Variants in GAD1 observed in about 807,000 individuals in gnomAD.
GAD1 encodes 67 kDa glutamic acid decarboxylase.
Under a neutral mutation model 75.2 loss-of-function variants are expected in GAD1, and 35 were observed. That is an observed-to-expected ratio of 0.47 (90% CI 0.36 to 0.62). The LOEUF is 0.62. Among genes scored for constraint, GAD1 ranks in the 20% least tolerant of loss-of-function variants. The probability of loss-of-function intolerance (pLI) is 0.00; values close to 1 mark genes in which losing one functional copy is unlikely to be tolerated. For missense variants in GAD1, 490 were observed against 758.5 expected (o/e 0.65, Z 4.16); for synonymous variants, 257 against 271.9 (o/e 0.95, Z 0.54).
Position 170,853,481 on chromosome 2 carries a change from T to A in GAD1, c.1264-392T>A, listed in dbSNP as rs571546354. Reference sequence around the variant, plus strand: ...GGTCCTGGAAAGGTTGGAAGACTTTTGCCAGAGCGCTTTTGGAGAGAAAAA... The same window carrying A: ...GGTCCTGGAAAGGTTGGAAGACTTTAGCCAGAGCGCTTTTGGAGAGAAAAA... On this transcript the variant is annotated intron_variant, in intron 13 of 16. Coordinates refer to ENST00000358196, the MANE Select transcript of GAD1 (RefSeq NM_000817.3). The surrounding 1 kb of genome is among the most constrained non-coding windows in gnomAD (Gnocchi z 4.1). 1.6e-4 allele frequency: 43 copies of A among 267,608 alleles called. No homozygotes were observed. The highest frequency in any genetic ancestry group is 2.9e-4 in the Non-Finnish European group (40 of 136,034). 16.6% of individuals were successfully genotyped at this position (267,608 alleles called of 1,614,324 possible). A position where few individuals can be genotyped will look rare whatever the true frequency, so the allele number is the denominator to read the frequency against.
At chr2:170,819,341 G>T (rs1341819250) in intron 2 of GAD1, among the ~76,000 whole-genome samples, 1 of 151,978 alleles carries the variant, frequency 6.6e-6, no homozygotes, top group African/African-American at 2.4e-5. Context: ...ATCCTGAGTG[G>T]CAAGAGATGG....
intron 7 of GAD1, 35 bp downstream of exon 7, chr2:170,844,192 G>A (rs2105797909): frequency 2.5e-6 from 3 of 1,204,546 alleles, no homozygotes; most frequent in African/African-American, 1.5e-5. Context: ...CTCAAGGTTT[G>A]GGATTCTTAA....
rs1204026449 is a variant in GAD1 at position 170,857,052 on chromosome 2, G to A, written c.1448G>A (p.Cys483Tyr). The change falls in exon 15 of 17, where the codon TGC (cysteine) becomes TAC (tyrosine). Residue 483 changes from cysteine (C) to tyrosine (Y), a missense_variant. This residue lies in a region of GAD1 where 324 missense variants were observed against 523.9 expected (regional missense o/e 0.62). Coordinates refer to ENST00000358196, the MANE Select transcript of GAD1 (RefSeq NM_000817.3). ...TVGFENQINK[C>Y]LELAEYLYAK... ...GGATTTGAAAACCAGATCAACAAAT[G>A]CCTGGAACTGGCTGAATACCTCTAT... 6.2e-7 allele frequency: 1 copy of A among 1,614,026 alleles called. No homozygotes were observed. The highest frequency in any genetic ancestry group is 8.5e-7 in the Non-Finnish European group (1 of 1,179,980).
At chr2:170,845,677 T>G (rs1426480767) in intron 8 of GAD1, 29 bp from the exon 9 acceptor site, 1 of 1,613,682 alleles carries the variant, frequency 6.2e-7, no homozygotes, top group African/African-American at 1.3e-5. Flanking sequence ...ACTTTCCAAC[T>G]TCTAACCTCG....
chr2:170,857,516 C>A (rs1702876067), intron 15 of GAD1, among the ~76,000 whole-genome samples: 2 of 152,076 alleles, frequency 1.3e-5, no homozygotes, highest in South Asian at 2.1e-4. Flanking sequence ...GAGGCCAAGG[C>A]AGGAAGATTG....
At chr2:170,821,165 T>C (rs1269799824) in intron 2 of GAD1, among the ~76,000 whole-genome samples, 1 of 152,120 alleles carries the variant, frequency 6.6e-6, no homozygotes, top group East Asian at 1.9e-4. Flanking sequence ...AGGTTTGCTT[T>C]GAGAGATTGG....
chr2:170,839,710 T>G (rs950919423), intron 6 of GAD1, among the ~76,000 whole-genome samples: 18 of 151,944 alleles, frequency 1.2e-4, no homozygotes, highest in African/African-American at 4.4e-4. Flanking sequence ...CCAGTGAAGA[T>G]CCAAACAAAA....
At chr2:170,828,380 TCACCC>T (rs1702094232) in intron 3 of GAD1, among the ~76,000 whole-genome samples, 5 of 132,024 alleles carry the variant, frequency 3.8e-5, no homozygotes, top group African/African-American at 1.5e-4. Flanking sequence ...TCTGCTGTCC[TCACCC>T]TCCTCCCTCT....
At position 170,818,931 on chromosome 2, in the gene GAD1, G is replaced by A. The variant is rs78535415; in HGVS notation, c.82+258G>A. ...CGTTGAGGGCTTCGCGGAGGAGGAGGGGCGCGCAGCCAGGGTGTTGTTTTT... is the reference window on the plus strand; with the variant it reads ...CGTTGAGGGCTTCGCGGAGGAGGAGAGGCGCGCAGCCAGGGTGTTGTTTTT... On this transcript the variant is annotated intron_variant, in intron 2 of 16. Coordinates refer to ENST00000358196, the MANE Select transcript of GAD1 (RefSeq NM_000817.3). The surrounding 1 kb of genome is among the most constrained non-coding windows in gnomAD (Gnocchi z 5.9). Among the ~76,000 whole-genome samples the A allele has an allele frequency of 1.7e-3, 253 of 152,292 alleles. No homozygotes were observed. The highest frequency in any genetic ancestry group is 5.9e-3 in the African/African-American group (247 of 41,566).
intron 5 of GAD1, among the ~76,000 whole-genome samples, chr2:170,831,787 ATATT>A (rs1032180603): frequency 6.9e-6 from 1 of 145,682 alleles, no homozygotes; most frequent in African/African-American, 2.5e-5. Flanking sequence ...TTTATATTAT[ATATT>A]ATATATAAAT....
chr2:170,821,979 A>G (rs1329885880), intron 2 of GAD1, 108 bp from the exon 3 acceptor site: 15 of 935,410 alleles, frequency 1.6e-5, no homozygotes, highest in Non-Finnish European at 2.3e-5. Flanking sequence ...TTTAATGAAG[A>G]GCTCTGGCAA....
intron 11 of GAD1, among the ~76,000 whole-genome samples, chr2:170,847,994 C>T (rs1279383750): frequency 6.6e-6 from 1 of 152,200 alleles, no homozygotes; most frequent in African/African-American, 2.4e-5. Context: ...CATCCACTTC[C>T]TTACTAGTCG....
intron 3 of GAD1, 141 bp downstream of exon 3, chr2:170,822,290 C>A (rs1011817117): frequency 1.3e-6 from 1 of 756,306 alleles, no homozygotes; most frequent in Non-Finnish European, 2.2e-6. Flanking sequence ...GGACAGCCAG[C>A]GACCACGCTC....
chr2:170,831,280 G>A, intron 5 of GAD1, 88 bp downstream of exon 5: 1 of 1,438,416 alleles, frequency 7.0e-7, no homozygotes, highest in Non-Finnish European at 9.8e-7. Flanking sequence ...ACTTGTGTTG[G>A]AAGAAAAACA....
chr2:170,839,143 A>G (rs929599825), intron 6 of GAD1, among the ~76,000 whole-genome samples: 1 of 152,190 alleles, frequency 6.6e-6, no homozygotes, highest in Non-Finnish European at 1.5e-5. Context: ...GGATCTTTCT[A>G]TGGCAGTGCA....
chr2:170,820,805 T>G (rs976862511), intron 2 of GAD1, among the ~76,000 whole-genome samples: 2 of 152,220 alleles, frequency 1.3e-5, no homozygotes, highest in Non-Finnish European at 2.9e-5. Flanking sequence ...ATGTAACCTC[T>G]CTGAGCCTCG....
At position 170,859,857 on chromosome 2, in the gene GAD1, TAGAA is replaced by T; in HGVS notation, c.1764_1767del (p.Glu588AspfsTer40). ...GACATTGACTTCCTCATTGAGGAGA[TAGAA>T]AGACTGGGCCAGGATCTGTAATCAT... On this transcript the variant is annotated frameshift_variant, in exon 17 of 17. Transcript: ENST00000358196. LOFTEE classifies it high-confidence loss of function. 6.2e-7 allele frequency: 1 copy of T among 1,614,172 alleles called. No homozygotes were observed. The highest frequency in any genetic ancestry group is 8.5e-7 in the Non-Finnish European group (1 of 1,180,030).
In GAD1 at chr2:170,860,841, G is replaced by A. The variant is rs1053365715; in HGVS notation, c.*959G>A. 1 of 152,612 alleles carries A rather than the reference G, an allele frequency of 6.6e-6. No homozygotes were observed. The highest frequency in any genetic ancestry group is 2.1e-4 in the South Asian group (1 of 4,828). The allele number at this position is 152,612 out of a possible 1,614,324, so 9.5% of individuals were successfully genotyped here. On this transcript the variant is annotated 3_prime_UTR_variant, in exon 17 of 17. Coordinates refer to ENST00000358196, the MANE Select transcript of GAD1 (RefSeq NM_000817.3). ...ATAAAGTCATATATATGGAAATCCT[G>A]TTACTTAAATAGCATCTGCTCTTCT...
chr2:170,838,048 T>C (rs897868368), intron 6 of GAD1, among the ~76,000 whole-genome samples: 2 of 152,194 alleles, frequency 1.3e-5, no homozygotes, highest in Admixed American at 1.3e-4. Flanking sequence ...TTCAGAAAAG[T>C]TTCTATTAAT....
Sources: gnomAD v4.1 joint callset for allele counts (sites outside exome capture counted in the v4.1 genomes callset) on GRCh38, gnomAD v4.1.1 for gene constraint, gnomAD v4.1.1 regional missense constraint, Gnocchi (gnomAD v3.1) non-coding constraint, MANE v1.5 for transcripts, NCBI Gene and HGNC (gene_info 2026-07-23, HGNC 2026-07-21) for gene names.